Variants in PIP5K1C observed in about 807,000 individuals in gnomAD.
PIP5K1C encodes phosphatidylinositol 4-phosphate 5-kinase type-1 gamma.
Under a neutral mutation model 80.1 loss-of-function variants are expected in PIP5K1C, and 45 were observed. That is an observed-to-expected ratio of 0.56 (90% CI 0.44 to 0.72). The LOEUF (loss-of-function observed/expected upper bound fraction) is 0.72, where lower values mean the gene tolerates loss of function less well. Among genes scored for constraint, PIP5K1C ranks in the 30% least tolerant of loss-of-function variants. PIP5K1C has a pLI of 0.00. For synonymous variants in PIP5K1C, 498 were observed against 420.1 expected, an observed-to-expected ratio of 1.19 and a Z score of -2.27; for missense variants, 753 against 954.6, an observed-to-expected ratio of 0.79 and a Z score of 2.78.
intron 1 of PIP5K1C, among the ~76,000 whole-genome samples, chr19:3,677,410 C>T (rs1243788650): frequency 6.6e-6 from 1 of 152,036 alleles, no homozygotes; most frequent in Non-Finnish European, 1.5e-5. Flanking sequence ...TGGTGAAACC[C>T]CGTCTCTACT....
At chr19:3,658,964 C>T (rs2034737345) in intron 5 of PIP5K1C, among the ~76,000 whole-genome samples, 1 of 152,152 alleles carries the variant, frequency 6.6e-6, no homozygotes, top group African/African-American at 2.4e-5. Context: ...CTGACCTTGG[C>T]CTCCTCTCCA....
At chr19:3,670,909 A>T (rs2035184418) in intron 1 of PIP5K1C, among the ~76,000 whole-genome samples, 1 of 152,150 alleles carries the variant, frequency 6.6e-6, no homozygotes, top group Non-Finnish European at 1.5e-5. Flanking sequence ...CTTCCAGAGG[A>T]CAGGGCCAGT....
chr19:3,676,858 G>A (rs2035375523), intron 1 of PIP5K1C, among the ~76,000 whole-genome samples: 1 of 152,220 alleles, frequency 6.6e-6, no homozygotes, highest in East Asian at 1.9e-4. Context: ...CTAGCACTTT[G>A]GGAGGCTGAG....
chr19:3,650,048 GGGGA>G, intron 8 of PIP5K1C: 1 of 162,108 alleles, frequency 6.2e-6, no homozygotes, highest in Non-Finnish European at 1.3e-5. Flanking sequence ...ATGGTCTGAG[GGGGA>G]GCTGTGCCTG....
At position 3,637,893 on chromosome 19, in the gene PIP5K1C, C is replaced by A. The variant is rs538320700; in HGVS notation, c.1920+991G>T. The A allele has an allele frequency of 5.1e-5, 78 of 1,535,394 alleles. No homozygotes were observed. The South Asian group carries it at 8.6e-4, about 17-fold the overall frequency. ...TACCATCCGGAGACCAGGACGCGCACAAACCAGTCCCAGGAAAAGGGGTGA... is the reference window on the plus strand; with the variant it reads ...TACCATCCGGAGACCAGGACGCGCAAAAACCAGTCCCAGGAAAAGGGGTGA... On this transcript the variant is annotated intron_variant, in intron 16 of 17. Transcript: ENST00000335312. The surrounding 1 kb of genome is among the most constrained non-coding windows in gnomAD (Gnocchi z 7.0).
At position 3,660,241 on chromosome 19, in the gene PIP5K1C, G is replaced by A. The variant is rs190955230; in HGVS notation, c.468+725C>T. ...TAAAAATACAAAAAATTAGCCGGGC[G>A]TGGTGGCAGGCACCTGTAGTCCCAG... On this transcript the variant is annotated intron_variant, in intron 5 of 17. Transcript: ENST00000335312. Among the ~76,000 whole-genome samples, 54 of 152,234 alleles carry A rather than the reference G, an allele frequency of 3.5e-4. 1 individual carries two copies. In the East Asian group the frequency reaches 9.3e-3, roughly 26 times the overall value.
At chr19:3,669,606 G>C (rs990943716) in intron 1 of PIP5K1C, 1 of 152,270 alleles carries the variant, frequency 6.6e-6, no homozygotes, top group East Asian at 1.9e-4. Context: ...TTATGACGCG[G>C]AAAGAGATGC....
intron 1 of PIP5K1C, among the ~76,000 whole-genome samples, chr19:3,678,327 G>A: frequency 7.4e-6 from 1 of 135,540 alleles, no homozygotes; most frequent in Non-Finnish European, 1.6e-5. Flanking sequence ...GAGGGACGGA[G>A]GGATGCAGGG....
At position 3,637,629 on chromosome 19, in the gene PIP5K1C, C is replaced by A. The variant is rs1409225736; in HGVS notation, c.1920+1255G>T. The A allele has an allele frequency of 3.9e-6, 1 of 259,572 alleles. No homozygotes were observed. The allele number at this position is 259,572 out of a possible 1,614,324, so 16.1% of individuals were successfully genotyped here. A position where few individuals can be genotyped will look rare whatever the true frequency, so the allele number is the denominator to read the frequency against. On this transcript the variant is annotated intron_variant, in intron 16 of 17. Coordinates refer to ENST00000335312, the MANE Select transcript of PIP5K1C (RefSeq NM_012398.3). The surrounding 1 kb of genome is among the most constrained non-coding windows in gnomAD (Gnocchi z 7.0). The stretch of plus-strand genomic sequence containing the variant: ...CATCCGTGAACTGGACGGGGCGGGC[C>A]GGGTGGGCCGGAGGAGGAAGGAAAA...
Position 3,688,032 on chromosome 19 carries a change from C to T in PIP5K1C, c.94+12265G>A, listed in dbSNP as rs2035820760. Among the ~76,000 whole-genome samples the T allele has an allele frequency of 6.6e-6, 1 of 152,088 alleles. No homozygotes were observed. The highest frequency in any genetic ancestry group is 2.4e-5 in the African/African-American group (1 of 41,414). ...TGGGGCGTGGCCAGCCCGCAGGTGG[C>T]GGGGCCGACGGGATGGGTCAGGGTG... On this transcript the variant is annotated intron_variant, in intron 1 of 17. Coordinates refer to ENST00000335312, the MANE Select transcript of PIP5K1C (RefSeq NM_012398.3). The surrounding 1 kb of genome is among the most constrained non-coding windows in gnomAD (Gnocchi z 5.3).
intron 1 of PIP5K1C, 69 bp from the exon 2 acceptor site, chr19:3,667,422 C>G: frequency 6.3e-7 from 1 of 1,579,690 alleles, no homozygotes. Flanking sequence ...GCCCAGCCCC[C>G]GGCCCACCTT....
At chr19:3,693,316 A>G (rs2035999715) in intron 1 of PIP5K1C, among the ~76,000 whole-genome samples, 1 of 152,158 alleles carries the variant, frequency 6.6e-6, no homozygotes, top group African/African-American at 2.4e-5. Context: ...ACTCAGCCAG[A>G]GGCCGGGTCC....
Position 3,688,013 on chromosome 19 carries a change from G to A in PIP5K1C, c.94+12284C>T, listed in dbSNP as rs1408663939. Among the ~76,000 whole-genome samples the A allele has an allele frequency of 2.6e-5, 4 of 152,174 alleles. No individual in the cohort carries two copies. The highest frequency in any genetic ancestry group is 9.7e-5 in the African/African-American group (4 of 41,440). On this transcript the variant is annotated intron_variant, in intron 1 of 17. Coordinates refer to ENST00000335312, the MANE Select transcript of PIP5K1C (RefSeq NM_012398.3). The surrounding 1 kb of genome is among the most constrained non-coding windows in gnomAD (Gnocchi z 5.3). Reference sequence around the variant, plus strand: ...GGGCCGGGGCAGGAGGCTGTGGGGCGTGGCCAGCCCGCAGGTGGCGGGGCC... The same window carrying A: ...GGGCCGGGGCAGGAGGCTGTGGGGCATGGCCAGCCCGCAGGTGGCGGGGCC...
chr19:3,653,861 T>C (rs1208036451), intron 6 of PIP5K1C, among the ~76,000 whole-genome samples: 2 of 152,212 alleles, frequency 1.3e-5, no homozygotes, highest in East Asian at 3.9e-4. Context: ...AGCAGAAGCT[T>C]CCACACTCCC....
intron 1 of PIP5K1C, among the ~76,000 whole-genome samples, chr19:3,677,736 G>T (rs1447274159): frequency 2.0e-5 from 2 of 99,950 alleles, no homozygotes; most frequent in Non-Finnish European, 2.1e-5. Context: ...GGGATGGAAG[G>T]ATGGTGGGAT....
chr19:3,685,258 T>G (rs1274736105), intron 1 of PIP5K1C, among the ~76,000 whole-genome samples: 1 of 152,296 alleles, frequency 6.6e-6, no homozygotes, highest in East Asian at 1.9e-4. Context: ...CTGGCAGCAT[T>G]TCTAATGTGT....
At chr19:3,636,136 G>A (rs886270362) in intron 16 of PIP5K1C, among the ~76,000 whole-genome samples, 3 of 152,064 alleles carry the variant, frequency 2.0e-5, no homozygotes, top group Admixed American at 2.0e-4. Flanking sequence ...CAGCCTGGGC[G>A]ACAGAGCAAG....
intron 16 of PIP5K1C, among the ~76,000 whole-genome samples, chr19:3,635,453 G>A (rs1019980681): frequency 6.6e-6 from 1 of 152,164 alleles, no homozygotes; most frequent in Non-Finnish European, 1.5e-5. Flanking sequence ...GGAGGCCGAG[G>A]TGGGCAGATA....
intron 15 of PIP5K1C, among the ~76,000 whole-genome samples, 160 bp from the exon 16 acceptor site, chr19:3,639,176 C>T (rs184606593): frequency 3.3e-5 from 5 of 152,320 alleles, no homozygotes; most frequent in East Asian, 1.9e-4. Context: ...TGCCATTTAT[C>T]GCAAATCAGA....
Sources: gnomAD v4.1 joint callset for allele counts (sites outside exome capture counted in the v4.1 genomes callset) on GRCh38, gnomAD v4.1.1 for gene constraint, Gnocchi (gnomAD v3.1) non-coding constraint, MANE v1.5 for transcripts, NCBI Gene and HGNC (gene_info 2026-07-23, HGNC 2026-07-21) for gene names.